The following DNAH12 variants were observed in gnomAD, a reference collection of about 807,000 sequenced individuals.
DNAH12 encodes axonemal beta dynein heavy chain 12.
DNAH12 carries 285 observed loss-of-function variants against 371.5 expected under a neutral mutation model. That is an observed-to-expected ratio of 0.77 (90% CI 0.70 to 0.85). The LOEUF is 0.85. DNAH12 is among the 40% of genes least tolerant of loss of function. DNAH12 has a pLI of 0.00. For missense variants in DNAH12, 3,611 were observed against 3,689.4 expected (o/e 0.98, Z 0.55); for synonymous variants, 1,200 against 1,213.0 (o/e 0.99, Z 0.22).
At chr3:57,480,738 A>T (rs1458956188) in intron 13 of DNAH12, among the ~76,000 whole-genome samples, 4 of 152,222 alleles carry the variant, frequency 2.6e-5, no homozygotes, top group Non-Finnish European at 5.9e-5. Flanking sequence ...AGTGGGTTTC[A>T]TCCCTAGGAT....
intron 25 of DNAH12, among the ~76,000 whole-genome samples, chr3:57,448,055 T>C (rs1414670157): frequency 2.0e-5 from 3 of 152,208 alleles, no homozygotes; most frequent in African/African-American, 7.2e-5. Context: ...CTCTTCCTTT[T>C]CAATTTTAAG....
intron 45 of DNAH12, among the ~76,000 whole-genome samples, chr3:57,389,502 C>T (rs2063565197): frequency 6.6e-6 from 1 of 151,968 alleles, no homozygotes; most frequent in Non-Finnish European, 1.5e-5. Context: ...TCTTGTTGTT[C>T]CCTTTCTCAG....
chr3:57,439,864 G>T (rs2065251667), intron 29 of DNAH12, among the ~76,000 whole-genome samples: 1 of 151,978 alleles, frequency 6.6e-6, no homozygotes, highest in Admixed American at 6.6e-5. Context: ...TTAAAAATGG[G>T]CAAAGGATAC....
Position 57,429,815 on chromosome 3 carries a change from T to G in DNAH12, c.4981-41A>C, listed in dbSNP as rs1365629194. On this transcript the variant is annotated intron_variant, in intron 32 of 73. Coordinates refer to ENST00000495027, the MANE Select transcript of DNAH12 (RefSeq NM_001366028.2). ...TTTCAAATGTTTATTTTTTAAAATT[T>G]CAAGTTTCTCAGATAAAAATTTATA... 4 of 1,464,424 alleles carry G rather than the reference T, an allele frequency of 2.7e-6. No individual in the cohort carries two copies. In the African/African-American group the frequency reaches 5.8e-5, roughly 21 times the overall value. The allele number at this position is 1,464,424 out of a possible 1,614,324, so 90.7% of individuals were successfully genotyped here.
In DNAH12 at chr3:57,433,426, C is replaced by A; in HGVS notation, c.4921G>T (p.Gly1641Cys). 1 of 1,551,426 alleles carries A rather than the reference C, an allele frequency of 6.4e-7. No homozygotes were observed. Among genetic ancestry groups the A allele is most frequent in the Non-Finnish European group, 8.7e-7 (1 of 1,146,898 alleles). ...TCTATCCACAAAGTGTCAATAGGAC[C>A]ATCAAATACAACCCATTTCCGGTCA... is the stretch of plus-strand genomic sequence containing the variant. Reference protein sequence around the residue: ...TPDRKWVVFDGPIDTLWIESM... With the variant: ...TPDRKWVVFDCPIDTLWIESM... The change falls in exon 32 of 74, where the codon GGT becomes TGT. Residue 1641 changes from glycine to cysteine, a missense_variant. Around this residue, in one of 3 missense-constraint regions of DNAH12, gnomAD observed 2,266 missense variants for 2,236.9 expected, o/e 1.01. Transcript: ENST00000495027.
chr3:57,319,455 T>C (rs1050870725), intron 65 of DNAH12, among the ~76,000 whole-genome samples: 1 of 152,228 alleles, frequency 6.6e-6, no homozygotes, highest in Non-Finnish European at 1.5e-5. Context: ...TTTCTGATCT[T>C]ACAGGAAAAA....
intron 2 of DNAH12, among the ~76,000 whole-genome samples, chr3:57,530,076 A>C (rs1030372488): frequency 1.3e-5 from 2 of 151,958 alleles, no homozygotes; most frequent in South Asian, 4.2e-4. Flanking sequence ...TTCTAGTTTT[A>C]TTCCATTGTG....
intron 23 of DNAH12, among the ~76,000 whole-genome samples, chr3:57,453,776 T>C (rs2153374345): frequency 6.6e-6 from 1 of 152,220 alleles, no homozygotes; most frequent in Middle Eastern, 3.4e-3. Context: ...GGTTTTACCA[T>C]GTTGGCCAGG....
chr3:57,428,589 T>C (rs1033204066), intron 34 of DNAH12, 44 bp downstream of exon 34: 2 of 1,510,960 alleles, frequency 1.3e-6, no homozygotes, highest in Non-Finnish European at 1.8e-6. Flanking sequence ...TCAAGTTGAA[T>C]GGAAACAAAG....
chr3:57,350,854 CCAAGTGGCCTATAAACATGAA>C (rs1553659884), intron 60 of DNAH12, among the ~76,000 whole-genome samples: 1 of 152,194 alleles, frequency 6.6e-6, no homozygotes, highest in Non-Finnish European at 1.5e-5. Flanking sequence ...TAGAAGATTT[CCAAGTGGCCTATAAACATGAA>C]CAAGTGTTCA....
chr3:57,402,118 C>A (rs1407859121), intron 43 of DNAH12, among the ~76,000 whole-genome samples: 12 of 152,046 alleles, frequency 7.9e-5, no homozygotes, highest in Non-Finnish European at 1.8e-4. Flanking sequence ...AAAGTGTAAG[C>A]AGAAAAAGAA....
chr3:57,514,068 T>C (rs748311988), intron 4 of DNAH12, among the ~76,000 whole-genome samples: 1 of 152,080 alleles, frequency 6.6e-6, no homozygotes, highest in Non-Finnish European at 1.5e-5. Flanking sequence ...AAAACTGATA[T>C]GGAGCGATTT....
intron 66 of DNAH12, among the ~76,000 whole-genome samples, chr3:57,313,788 C>T (rs1161895399): frequency 6.6e-6 from 1 of 152,144 alleles, no homozygotes; most frequent in Non-Finnish European, 1.5e-5. Context: ...GCCTGGGCAA[C>T]ACAGCGAGAC....
intron 60 of DNAH12, among the ~76,000 whole-genome samples, chr3:57,349,389 C>T (rs1314813799): frequency 6.6e-6 from 1 of 152,150 alleles, no homozygotes; most frequent in Non-Finnish European, 1.5e-5. Flanking sequence ...ACTAGTACAA[C>T]CACTACAGAA....
intron 31 of DNAH12, 41 bp from the exon 32 acceptor site, chr3:57,433,548 A>G: frequency 6.5e-7 from 1 of 1,542,354 alleles, no homozygotes; most frequent in Non-Finnish European, 8.7e-7. Flanking sequence ...CTCCTCATAA[A>G]ATTAGATTTA....
intron 39 of DNAH12, among the ~76,000 whole-genome samples, chr3:57,412,629 G>C (rs1483061846): frequency 6.6e-6 from 1 of 152,096 alleles, no homozygotes; most frequent in Non-Finnish European, 1.5e-5. Context: ...AATGGCCAAA[G>C]ACCCTAACAG....
chr3:57,530,121 T>G (rs1256956998), intron 2 of DNAH12, among the ~76,000 whole-genome samples: 1 of 152,160 alleles, frequency 6.6e-6, no homozygotes, highest in African/African-American at 2.4e-5. Context: ...TTCAAATTCT[T>G]TGAATGTTTT....
At chr3:57,514,309 G>C (rs930038137) in intron 4 of DNAH12, among the ~76,000 whole-genome samples, 1 of 151,374 alleles carries the variant, frequency 6.6e-6, no homozygotes, top group Admixed American at 6.6e-5. Context: ...CAGGAGAATC[G>C]CTTGAACCCG....
Position 57,483,521 on chromosome 3 carries a change from T to C in DNAH12, c.1515-10A>G. 9 of 1,543,758 alleles carry C rather than the reference T, an allele frequency of 5.8e-6. No homozygotes were observed. The highest frequency in any genetic ancestry group is 7.9e-6 in the Non-Finnish European group (9 of 1,145,002). ...AAATTCACTGCAAATACTGACATAA[T>C]ACTCTGCTTTAATAGACTTATGGCA... On this transcript the variant is annotated splice_polypyrimidine_tract_variant and intron_variant, in intron 12 of 73. Coordinates refer to ENST00000495027, the MANE Select transcript of DNAH12 (RefSeq NM_001366028.2).
Sources: gnomAD v4.1 joint callset for allele counts (sites outside exome capture counted in the v4.1 genomes callset) on GRCh38, gnomAD v4.1.1 for gene constraint, gnomAD v4.1.1 regional missense constraint, MANE v1.5 for transcripts, NCBI Gene and HGNC (gene_info 2026-07-23, HGNC 2026-07-21) for gene names.